The following HTR1F variants were observed in gnomAD, a reference collection of about 807,000 sequenced individuals.
HTR1F encodes 5-hydroxytryptamine receptor 1F.
In HTR1F, 17 loss-of-function variants were observed where a neutral mutation model predicts 24.0. That is an observed-to-expected ratio of 0.71 (90% CI 0.48 to 1.06). The LOEUF is 1.06. HTR1F is among the 50% of genes least tolerant of loss of function. HTR1F has a pLI of 0.00. For synonymous variants in HTR1F, 186 were observed against 156.8 expected, an observed-to-expected ratio of 1.19 and a Z score of -1.39; for missense variants, 391 against 427.8, an observed-to-expected ratio of 0.91 and a Z score of 0.76.
At chr3:87,848,221 G>A (rs1282582189) in intron 2 of HTR1F, among the ~76,000 whole-genome samples, 1 of 151,886 alleles carries the variant, frequency 6.6e-6, no homozygotes, top group South Asian at 2.1e-4. Flanking sequence ...ACTGGGGTGA[G>A]ATGATAGCTC....
chr3:87,881,972 C>T (rs1218002583), intron 2 of HTR1F, among the ~76,000 whole-genome samples: 2 of 151,956 alleles, frequency 1.3e-5, no homozygotes, highest in Admixed American at 6.6e-5. Flanking sequence ...TGACAAAGGG[C>T]TAATATCCAG....
intron 2 of HTR1F, among the ~76,000 whole-genome samples, chr3:87,942,368 G>T (rs1704589705): frequency 6.6e-6 from 1 of 152,112 alleles, no homozygotes; most frequent in South Asian, 2.1e-4. Flanking sequence ...GACTGAGAAG[G>T]CCGCACCTGT....
intron 2 of HTR1F, among the ~76,000 whole-genome samples, chr3:87,953,857 A>G (rs1704887132): frequency 6.6e-6 from 1 of 151,888 alleles, no homozygotes; most frequent in African/African-American, 2.4e-5. Flanking sequence ...TTCAGTCATT[A>G]AAAGAAGGAA....
At chr3:87,958,972 A>G (rs1165525375) in intron 2 of HTR1F, among the ~76,000 whole-genome samples, 3 of 151,730 alleles carry the variant, frequency 2.0e-5, no homozygotes, top group Admixed American at 2.0e-4. Context: ...CATATTGTCA[A>G]CTGACTAATG....
At chr3:87,800,771 T>G (rs949705075) in intron 1 of HTR1F, among the ~76,000 whole-genome samples, 1 of 152,200 alleles carries the variant, frequency 6.6e-6, no homozygotes, top group African/African-American at 2.4e-5. Flanking sequence ...AGGAGTGATT[T>G]TCTGGAAATC....
chr3:87,882,662 A>T (rs1478839944), intron 2 of HTR1F, among the ~76,000 whole-genome samples: 2 of 140,920 alleles, frequency 1.4e-5, no homozygotes, highest in African/African-American at 5.3e-5. Flanking sequence ...CAATGAGAAC[A>T]TATGGACACA....
At chr3:87,805,107 T>C (rs1013259407) in intron 1 of HTR1F, among the ~76,000 whole-genome samples, 2 of 152,088 alleles carry the variant, frequency 1.3e-5, no homozygotes, top group African/African-American at 4.8e-5. Flanking sequence ...AGTGATGAGT[T>C]CTATTTAGTT....
At chr3:87,823,118 CAT>C (rs1704391540) in intron 2 of HTR1F, among the ~76,000 whole-genome samples, 1 of 152,096 alleles carries the variant, frequency 6.6e-6, no homozygotes, top group Non-Finnish European at 1.5e-5. Flanking sequence ...GACAGCATGA[CAT>C]ATATCATGTA....
chr3:87,814,856 A>T (rs35579610), intron 1 of HTR1F, among the ~76,000 whole-genome samples: 21,333 of 152,196 alleles, frequency 0.14, 1,877 homozygotes, highest in Non-Finnish European at 0.19. Flanking sequence ...AGTTGTTAAT[A>T]TACCTACATA....
At chr3:87,842,587 C>T (rs944145399) in intron 2 of HTR1F, among the ~76,000 whole-genome samples, 6 of 151,848 alleles carry the variant, frequency 4.0e-5, no homozygotes, top group Admixed American at 1.3e-4. Context: ...GGGAAAAAAA[C>T]CGTCTTAAAT....
intron 2 of HTR1F, among the ~76,000 whole-genome samples, chr3:87,882,479 T>A (rs1705826667): frequency 6.6e-6 from 1 of 151,970 alleles, no homozygotes; most frequent in African/African-American, 2.4e-5. Flanking sequence ...AATGATAGAC[T>A]GGATTAAGAA....
intron 2 of HTR1F, among the ~76,000 whole-genome samples, chr3:87,986,353 C>T (rs866837415): frequency 3.3e-4 from 50 of 152,074 alleles, no homozygotes; most frequent in African/African-American, 1.2e-3. Context: ...TCTATAAATA[C>T]AACTAGCAGA....
chr3:87,875,506 A>C lies in HTR1F; in HGVS notation c.-43+53382A>C, dbSNP rs111562783. On this transcript the variant is annotated intron_variant, in intron 2 of 2. Transcript: ENST00000319595. ...AGCAAAGGTATCAACCAACAGAGTG[A>C]AAAGGCAACCTATGAAATGGGAGAA... Among the ~76,000 whole-genome samples the C allele has an allele frequency of 3.9e-3, 597 of 152,250 alleles. 7 individuals carry two copies. The highest frequency in any genetic ancestry group is 0.014 in the African/African-American group (566 of 41,550).
chr3:87,850,831 A>C (rs1705070167), intron 2 of HTR1F, among the ~76,000 whole-genome samples: 1 of 151,164 alleles, frequency 6.6e-6, no homozygotes, highest in Non-Finnish European at 1.5e-5. Flanking sequence ...AAAAAAACCT[A>C]GGGAAAGTTT....
chr3:87,966,596 A>C (rs1705167393), intron 2 of HTR1F, among the ~76,000 whole-genome samples: 1 of 152,204 alleles, frequency 6.6e-6, no homozygotes, highest in Non-Finnish European at 1.5e-5. Flanking sequence ...ATATTAGTTA[A>C]ATTTTAAGTT....
chr3:87,917,312 G>A (rs1703914857), intron 2 of HTR1F, among the ~76,000 whole-genome samples: 2 of 142,698 alleles, frequency 1.4e-5, no homozygotes, highest in African/African-American at 5.2e-5. Flanking sequence ...AGAGAAACAA[G>A]AACAAACCAA....
chr3:87,877,162 A>C (rs1275967269), intron 2 of HTR1F, among the ~76,000 whole-genome samples: 6 of 152,082 alleles, frequency 3.9e-5, no homozygotes, highest in Non-Finnish European at 8.8e-5. Context: ...CTGGAAAAAA[A>C]CCATAATTTC....
intron 2 of HTR1F, among the ~76,000 whole-genome samples, chr3:87,974,462 A>G (rs1705350720): frequency 2.0e-5 from 3 of 152,236 alleles, no homozygotes; most frequent in African/African-American, 7.2e-5. Flanking sequence ...TATTTTATTT[A>G]CCAGCTGGTA....
At chr3:87,935,881 C>T (rs1410126818) in intron 2 of HTR1F, among the ~76,000 whole-genome samples, 2 of 151,742 alleles carry the variant, frequency 1.3e-5, no homozygotes, top group Non-Finnish European at 1.5e-5. Context: ...GATGGAGTCT[C>T]GCTCTGTCAC....
Sources: allele counts gnomAD v4.1 joint callset (sites outside exome capture counted in the v4.1 genomes callset), GRCh38; gene constraint gnomAD v4.1.1; transcripts MANE v1.5; gene names NCBI Gene and HGNC (gene_info 2026-07-23, HGNC 2026-07-21).